Variants in MARK2 observed in about 807,000 individuals in gnomAD.
MARK2 encodes the protein microtubule affinity regulating kinase 2, also known as serine/threonine-protein kinase MARK2.
In MARK2, 16 loss-of-function variants were observed where a neutral mutation model predicts 89.8. The ratio of observed to expected loss-of-function variants is 0.18; its 90% CI spans 0.12 to 0.27. The LOEUF (loss-of-function observed/expected upper bound fraction) is 0.27. Ranked by LOEUF, MARK2 falls within the 10% of genes least tolerant of loss-of-function variation. MARK2 has a pLI of 1.00. For missense variants in MARK2, 621 were observed against 1,049.9 expected (o/e 0.59, Z 5.65); for synonymous variants, 382 against 399.5 (o/e 0.96, Z 0.52).
chr11:63,903,029 CT>C lies in MARK2; in HGVS notation c.1417-31del. The C allele has an allele frequency of 6.3e-7, 1 of 1,595,922 alleles. No homozygotes were observed. Among genetic ancestry groups the C allele is most frequent in the Non-Finnish European group, 8.6e-7 (1 of 1,163,710 alleles). On this transcript the variant is annotated intron_variant, in intron 13 of 18. Transcript: ENST00000402010. The surrounding 1 kb of genome is among the most constrained non-coding windows in gnomAD (Gnocchi z 5.1). ...CCTGGCTGTAGACCACTTTGGCTTT[CT>C]GATAGAACGCTTGCCCTTTATTCCC...
At position 63,902,912 on chromosome 11, in the gene MARK2, C is replaced by T; in HGVS notation, c.1416+130C>T. 9.4e-7 allele frequency: 1 copy of T among 1,068,886 alleles called. No individual in the cohort carries two copies. The highest frequency in any genetic ancestry group is 1.4e-6 in the Non-Finnish European group (1 of 709,412). The allele number at this position is 1,068,886 out of a possible 1,614,324, so 66.2% of individuals were successfully genotyped here. ...TGCTTATAGCAGGAAGCCTCGCTCC[C>T]AGCAGTAAATGCAGAATCCTTTCCT... On this transcript the variant is annotated intron_variant, in intron 13 of 18. Transcript: ENST00000402010. This position sits in a 1 kb window ranked among gnomAD's most constrained non-coding sequence, Gnocchi z 4.2.
Position 63,899,799 on chromosome 11 carries a change from C to T in MARK2, c.532-75C>T. 4.3e-6 allele frequency: 4 copies of T among 922,412 alleles called. 1 individual carries two copies. Among genetic ancestry groups the T allele is most frequent in the South Asian group, 2.8e-5 (2 of 72,320 alleles). 57.1% of individuals were successfully genotyped at this position (922,412 alleles called of 1,614,324 possible). On this transcript the variant is annotated intron_variant, in intron 7 of 18. Coordinates refer to ENST00000402010, the MANE Select transcript of MARK2 (RefSeq NM_001039469.3). The stretch of plus-strand genomic sequence containing the variant: ...ATGACTTTCCGTTTGTTCTCCCATT[C>T]CCCTCAGCTCCTTCCTGCCCAGGGC...
intron 1 of MARK2, among the ~76,000 whole-genome samples, chr11:63,877,941 A>G (rs1938863465): frequency 6.6e-6 from 1 of 152,214 alleles, no homozygotes. Context: ...ACTGCTGACA[A>G]ATGAATCCTC....
intron 3 of MARK2, 79 bp downstream of exon 3, chr11:63,895,712 C>T: frequency 3.3e-6 from 4 of 1,224,870 alleles, no homozygotes; most frequent in Non-Finnish European, 4.7e-6. Flanking sequence ...TCTTGTCGCC[C>T]AGGCTGGAGT....
intron 1 of MARK2, among the ~76,000 whole-genome samples, chr11:63,856,768 G>GTT (rs71039681): frequency 1.3e-4 from 7 of 53,808 alleles, no homozygotes; most frequent in African/African-American, 3.7e-4. Flanking sequence ...AATTTTTCAT[G>GTT]TTTTTTTTTT....
chr11:63,859,589 G>A (rs1404655065), intron 1 of MARK2, among the ~76,000 whole-genome samples: 2 of 151,036 alleles, frequency 1.3e-5, no homozygotes, highest in African/African-American at 4.9e-5. Flanking sequence ...AAAGTACTAG[G>A]ATTACAGGCA....
At chr11:63,848,717 AT>A (rs1162451595) in intron 1 of MARK2, among the ~76,000 whole-genome samples, 2 of 151,176 alleles carry the variant, frequency 1.3e-5, no homozygotes, top group Non-Finnish European at 3.0e-5. Flanking sequence ...TGCCCAGCTA[AT>A]TTTTTGTACT....
intron 1 of MARK2, among the ~76,000 whole-genome samples, chr11:63,842,389 T>G (rs1172378779): frequency 1.3e-5 from 2 of 152,086 alleles, no homozygotes; most frequent in Admixed American, 1.3e-4. Flanking sequence ...GCTAATTTTT[T>G]GGATTTTAGT....
At chr11:63,890,066 C>T (rs1318150260) in intron 1 of MARK2, among the ~76,000 whole-genome samples, 1 of 152,240 alleles carries the variant, frequency 6.6e-6, no homozygotes, top group African/African-American at 2.4e-5. Context: ...GAGAAACTCT[C>T]TCTCCATATT....
intron 7 of MARK2, among the ~76,000 whole-genome samples, chr11:63,899,394 A>G (rs1212180185): frequency 6.6e-6 from 1 of 152,094 alleles, no homozygotes; most frequent in Non-Finnish European, 1.5e-5. Flanking sequence ...AGTGCTGCCA[A>G]GCAAGGCAGG....
intron 1 of MARK2, among the ~76,000 whole-genome samples, chr11:63,861,682 G>C (rs929641293): frequency 6.6e-6 from 1 of 151,110 alleles, no homozygotes; most frequent in African/African-American, 2.4e-5. Context: ...CATTTATTGA[G>C]CCCTTACTCT....
At chr11:63,868,909 G>T (rs545660289) in intron 1 of MARK2, 1 of 455,788 alleles carries the variant, frequency 2.2e-6, no homozygotes, top group Non-Finnish European at 4.4e-6. Flanking sequence ...GCCTGATGAT[G>T]GTGAGGACCC....
rs56089339 is a variant in MARK2, at chr11:63,895,263, C to T, written c.159C>T (p.Tyr53=). The T allele has an allele frequency of 2.2e-4, 358 of 1,614,130 alleles. No homozygotes were observed. The highest frequency in any genetic ancestry group is 2.7e-4 in the Non-Finnish European group (317 of 1,180,030). The part of the protein sequence containing the change: ...SADEQPHIGN[Y]RLLKTIGKGN... Reference sequence around the variant, plus strand: ...ATGAGCAGCCCCACATTGGAAACTACCGGCTCCTCAAGACCATTGGCAAGG... The same window carrying T: ...ATGAGCAGCCCCACATTGGAAACTATCGGCTCCTCAAGACCATTGGCAAGG... The change falls in exon 2 of 19, where the codon TAC becomes TAT. Residue 53 remains tyrosine (Y), a synonymous_variant. Coordinates refer to ENST00000402010, the MANE Select transcript of MARK2 (RefSeq NM_001039469.3).
At position 63,904,926 on chromosome 11, in the gene MARK2, G is replaced by T; in HGVS notation, c.1817G>T (p.Arg606Leu). 1.2e-6 allele frequency: 2 copies of T among 1,614,228 alleles called. No homozygotes were observed. Among genetic ancestry groups the T allele is most frequent in the Non-Finnish European group, 1.7e-6 (2 of 1,180,036 alleles). The change falls in exon 16 of 19, where the codon CGG (arginine) becomes CTG (leucine). Residue 606 changes from arginine (R) to leucine (L), a missense_variant. Transcript: ENST00000402010. This position sits in a 1 kb window ranked among gnomAD's most constrained non-coding sequence, Gnocchi z 6.3. The part of the protein sequence containing the change: ...TFHAGQLRQV[R>L]DQQNLPYGVT... Reference sequence around the variant, plus strand: ...CATGCTGGGCAGCTCCGACAGGTGCGGGACCAGCAGAATTTGCCCTACGGT... The same window carrying T: ...CATGCTGGGCAGCTCCGACAGGTGCTGGACCAGCAGAATTTGCCCTACGGT...
intron 1 of MARK2, chr11:63,850,023 A>G (rs1202975333): frequency 6.6e-6 from 1 of 151,992 alleles, no homozygotes; most frequent in Non-Finnish European, 1.5e-5. Context: ...GCACCACACA[A>G]CTCTAGGTCA....
chr11:63,846,657 ATTT>A (rs1302877853), intron 1 of MARK2, among the ~76,000 whole-genome samples: 1 of 134,872 alleles, frequency 7.4e-6, no homozygotes, highest in Non-Finnish European at 1.6e-5. Flanking sequence ...GCCAAAAAAA[ATTT>A]TTTTTTTTTT....
chr11:63,900,509 C>T lies in MARK2; in HGVS notation c.769-50C>T, dbSNP rs769644716. On this transcript the variant is annotated intron_variant, in intron 8 of 18. Transcript: ENST00000402010. The surrounding 1 kb of genome is among the most constrained non-coding windows in gnomAD (Gnocchi z 4.7). ...CAGGATCTTGGATATTAGGTTTCTT[C>T]CTTTGGCCTTGGGGTGATTTCAATT... 9 of 1,598,158 alleles carry T rather than the reference C, an allele frequency of 5.6e-6. No homozygotes were observed. The African/African-American group carries it at 9.5e-5, about 17-fold the overall frequency.
At chr11:63,888,900 C>G (rs1939587177) in intron 1 of MARK2, 2 of 1,347,724 alleles carry the variant, frequency 1.5e-6, no homozygotes, top group African/African-American at 3.0e-5. Context: ...CGCTGCCTGA[C>G]AGGTTCTGCT....
chr11:63,841,679 C>G (rs990873604), intron 1 of MARK2, among the ~76,000 whole-genome samples: 1 of 152,194 alleles, frequency 6.6e-6, no homozygotes, highest in African/African-American at 2.4e-5. Flanking sequence ...CTGACTGGCA[C>G]CCTCAGGCAT....
Sources: gnomAD v4.1 joint callset for allele counts (sites outside exome capture counted in the v4.1 genomes callset) on GRCh38, gnomAD v4.1.1 for gene constraint, Gnocchi (gnomAD v3.1) non-coding constraint, MANE v1.5 for transcripts, NCBI Gene and HGNC (gene_info 2026-07-23, HGNC 2026-07-21) for gene names.